Variants in ZNF704 observed in about 807,000 individuals in gnomAD.
ZNF704 encodes glucocorticoid induced gene 1.
Under a neutral mutation model 44.7 loss-of-function variants are expected in ZNF704, and 10 were observed. That is an observed-to-expected ratio of 0.22 (90% confidence interval 0.14 to 0.38). The LOEUF (loss-of-function observed/expected upper bound fraction) is 0.38, where lower values mean the gene tolerates loss of function less well. Ranked by LOEUF, ZNF704 falls within the 10% of genes least tolerant of loss-of-function variation. The probability of loss-of-function intolerance (pLI) is 1.00; values close to 1 mark genes in which losing one functional copy is unlikely to be tolerated. For synonymous variants in ZNF704, 211 were observed against 207.6 expected (o/e 1.02, Z -0.14); for missense variants, 390 against 545.5 (o/e 0.71, Z 2.84).
chr8:80,695,509 A>G (rs1288017090), intron 2 of ZNF704, among the ~76,000 whole-genome samples: 2 of 152,214 alleles, frequency 1.3e-5, no homozygotes, highest in African/African-American at 4.8e-5. Flanking sequence ...CCCTCCCCTG[A>G]TTCTTACAAT....
At chr8:80,669,425 A>G (rs931895962) in intron 5 of ZNF704, among the ~76,000 whole-genome samples, 1 of 152,274 alleles carries the variant, frequency 6.6e-6, no homozygotes, top group East Asian at 1.9e-4. Context: ...TCCTATCTCC[A>G]GTGCTCTCCA....
At position 80,631,300 on chromosome 8, in the gene ZNF704, C is replaced by A. The variant is rs1026023648; in HGVS notation, c.*10066G>T. ...GGCAGCCGCTCTTCCTCTTTCCTCT[C>A]GGTCCCAGCCATCTGTGCCCAAAAC... On this transcript the variant is annotated 3_prime_UTR_variant, in exon 9 of 9. Transcript: ENST00000327835. 1 of 152,198 alleles carries A rather than the reference C, an allele frequency of 6.6e-6. No individual in the cohort carries two copies. Among genetic ancestry groups the A allele is most frequent in the African/African-American group, 2.4e-5 (1 of 41,456 alleles). 9.4% of individuals were successfully genotyped at this position (152,198 alleles called of 1,614,324 possible). A position where few individuals can be genotyped will look rare whatever the true frequency, so the allele number is the denominator to read the frequency against.
rs1818351918 is a variant in ZNF704, at chr8:80,675,529, AT to A, written c.559-4927del. Among the ~76,000 whole-genome samples, 5 of 152,036 alleles carry A rather than the reference AT, an allele frequency of 3.3e-5. No individual in the cohort carries two copies. In the South Asian group the frequency reaches 1.0e-3, roughly 32 times the overall value. ...ATAGAAAACAAATGTAATCACCAGC[AT>A]GGAGTCAGTGCATGAAGTCACTGCA... On this transcript the variant is annotated intron_variant, in intron 4 of 8. Coordinates refer to ENST00000327835, the MANE Select transcript of ZNF704 (RefSeq NM_001033723.3).
intron 2 of ZNF704, among the ~76,000 whole-genome samples, chr8:80,730,835 T>C (rs1310770306): frequency 6.6e-6 from 1 of 152,202 alleles, no homozygotes; most frequent in Non-Finnish European, 1.5e-5. Flanking sequence ...GAATTAGTTA[T>C]AAATTGAGAA....
At chr8:80,728,734 A>G (rs914237211) in intron 2 of ZNF704, among the ~76,000 whole-genome samples, 11 of 152,210 alleles carry the variant, frequency 7.2e-5, no homozygotes, top group Non-Finnish European at 1.6e-4. Flanking sequence ...TAAAACCTGC[A>G]AAAATTTTGG....
Position 80,821,228 on chromosome 8 carries a change from T to C in ZNF704, c.221+146A>G, listed in dbSNP as rs1808263661. The C allele has an allele frequency of 6.1e-6, 5 of 821,020 alleles. No homozygotes were observed. The South Asian group carries it at 6.2e-5, about 10-fold the overall frequency. The allele number at this position is 821,020 out of a possible 1,614,324, so 50.9% of individuals were successfully genotyped here. ...ATGAAGAGTAAGGCCACCTGCTCTA[T>C]TTCACACAAGCAATAGAAAAAATTT... On this transcript the variant is annotated intron_variant, in intron 2 of 8. Transcript: ENST00000327835.
intron 1 of ZNF704, among the ~76,000 whole-genome samples, chr8:80,823,617 G>C (rs1808317662): frequency 6.6e-6 from 1 of 152,202 alleles, no homozygotes; most frequent in South Asian, 2.1e-4. Context: ...CGTACAGTCT[G>C]CCTCCTTAAG....
Position 80,641,255 on chromosome 8 carries a change from T to C in ZNF704, c.*111A>G. The C allele has an allele frequency of 1.6e-6, 1 of 617,714 alleles. No individual in the cohort carries two copies. Among genetic ancestry groups the C allele is most frequent in the Non-Finnish European group, 2.6e-6 (1 of 383,606 alleles). 38.3% of individuals were successfully genotyped at this position (617,714 alleles called of 1,614,324 possible). A position where few individuals can be genotyped will look rare whatever the true frequency, so the allele number is the denominator to read the frequency against. On this transcript the variant is annotated 3_prime_UTR_variant, in exon 9 of 9. Transcript: ENST00000327835. ...CCTCCAAGGTTCCTGAAAGGGCTTTTCCTGGCTTCAACTGTGTTTTATTCA... is the reference window on the plus strand; with the variant it reads ...CCTCCAAGGTTCCTGAAAGGGCTTTCCCTGGCTTCAACTGTGTTTTATTCA...
intron 2 of ZNF704, among the ~76,000 whole-genome samples, chr8:80,748,756 A>G (rs1806890778): frequency 6.6e-6 from 1 of 152,180 alleles, no homozygotes; most frequent in African/African-American, 2.4e-5. Flanking sequence ...TCGGAAAGAC[A>G]CCAAAATTTG....
chr8:80,884,381 C>T, the ZNF704 span, among the ~76,000 whole-genome samples: 2 of 152,182 alleles, frequency 1.3e-5, no homozygotes, highest in Non-Finnish European at 2.9e-5. Flanking sequence ...CCACCTCCTC[C>T]ATATAAACCC....
chr8:80,734,976 T>C (rs986470158), intron 2 of ZNF704, among the ~76,000 whole-genome samples: 2 of 152,200 alleles, frequency 1.3e-5, no homozygotes, highest in African/African-American at 4.8e-5. Context: ...TCCTGCAGGT[T>C]ACTTCCTTCT....
chr8:80,774,068 T>C (rs559876680), intron 2 of ZNF704, among the ~76,000 whole-genome samples: 96 of 151,106 alleles, frequency 6.4e-4, no homozygotes, highest in African/African-American at 2.3e-3. Context: ...TTTTTTTGGA[T>C]ACAGGGTCTC....
chr8:80,839,017 C>CAG (rs1290684003), intron 1 of ZNF704, among the ~76,000 whole-genome samples: 1 of 152,222 alleles, frequency 6.6e-6, no homozygotes, highest in Non-Finnish European at 1.5e-5. Flanking sequence ...AGTTCCGGCC[C>CAG]AGAGGCCTGG....
At position 80,632,875 on chromosome 8, in the gene ZNF704, T is replaced by G. The variant is rs1403357386; in HGVS notation, c.*8491A>C. On this transcript the variant is annotated 3_prime_UTR_variant, in exon 9 of 9. Transcript: ENST00000327835. ...GTTTCATTCTCCAACACTGTATTACTTTAGAAACATAATAATAAATATTAT... is the reference window on the plus strand; with the variant it reads ...GTTTCATTCTCCAACACTGTATTACGTTAGAAACATAATAATAAATATTAT... 1 of 152,216 alleles carries G rather than the reference T, an allele frequency of 6.6e-6. No individual in the cohort carries two copies. The highest frequency in any genetic ancestry group is 1.5e-5 in the Non-Finnish European group (1 of 68,044). The allele number at this position is 152,216 out of a possible 1,614,324, so 9.4% of individuals were successfully genotyped here. A position where few individuals can be genotyped will look rare whatever the true frequency, so the allele number is the denominator to read the frequency against.
intron 3 of ZNF704, 110 bp downstream of exon 3, chr8:80,692,894 T>C (rs1818663383): frequency 3.2e-6 from 3 of 934,814 alleles, no homozygotes; most frequent in South Asian, 1.5e-5. Flanking sequence ...TTCCTGCTAA[T>C]GGGTGAGGGT....
chr8:80,820,516 C>T (rs1409087502), intron 2 of ZNF704, among the ~76,000 whole-genome samples: 2 of 152,064 alleles, frequency 1.3e-5, no homozygotes, highest in Admixed American at 6.6e-5. Context: ...CCAGGCATCA[C>T]CAACTTTTTT....
At chr8:80,783,441 G>A (rs1807562715) in intron 2 of ZNF704, among the ~76,000 whole-genome samples, 1 of 152,188 alleles carries the variant, frequency 6.6e-6, no homozygotes, top group Non-Finnish European at 1.5e-5. Flanking sequence ...TAGGTATTAA[G>A]CCCAGCAACT....
chr8:80,855,550 T>C (rs144754958), intron 1 of ZNF704, among the ~76,000 whole-genome samples: 2 of 152,292 alleles, frequency 1.3e-5, no homozygotes, highest in East Asian at 3.9e-4. Flanking sequence ...TTCTCACTTA[T>C]AAGTGAGAGC....
intron 7 of ZNF704, among the ~76,000 whole-genome samples, chr8:80,654,576 A>G (rs1317885380): frequency 6.6e-6 from 1 of 152,278 alleles, no homozygotes; most frequent in East Asian, 1.9e-4. Context: ...TGCGGCCAAA[A>G]GACACATGAA....
Sources: allele counts gnomAD v4.1 joint callset (sites outside exome capture counted in the v4.1 genomes callset), GRCh38; gene constraint gnomAD v4.1.1; transcripts MANE v1.5; gene names NCBI Gene and HGNC (gene_info 2026-07-23, HGNC 2026-07-21).